MFSD2A: variants seen among roughly 807,000 people sequenced by gnomAD.
The protein encoded by MFSD2A is sodium-dependent lysophosphatidylcholine symporter 1.
Under a neutral mutation model 64.7 loss-of-function variants are expected in MFSD2A, and 27 were observed. The ratio of observed to expected loss-of-function variants is 0.42; its 90% CI spans 0.31 to 0.58. The LOEUF (loss-of-function observed/expected upper bound fraction) is 0.58, where lower values mean the gene tolerates loss of function less well. Ranked by LOEUF, MFSD2A falls within the 20% of genes least tolerant of loss-of-function variation. The pLI is 0.18. For synonymous variants in MFSD2A, 258 were observed against 273.4 expected (o/e 0.94, Z 0.55); for missense variants, 474 against 679.5 (o/e 0.70, Z 3.36).
intron 11 of MFSD2A, 79 bp downstream of exon 11, chr1:39,967,995 A>T (rs374281341): frequency 1.1e-6 from 1 of 884,274 alleles, no homozygotes; most frequent in African/African-American, 1.7e-5. Flanking sequence ...GGAGAGTTCT[A>T]TGCAGTGTTC....
At position 39,966,581 on chromosome 1, in the gene MFSD2A, T is replaced by C. The variant is rs750251497; in HGVS notation, c.715-20T>C. 1 of 1,596,692 alleles carries C rather than the reference T, an allele frequency of 6.3e-7. No homozygotes were observed. Among genetic ancestry groups the C allele is most frequent in the South Asian group, 1.1e-5 (1 of 88,742 alleles). ...AGCTCAAACTGACCATCCTTGTATGTCGCCTTCACCTCCTTATAGCAAAAG... is the reference window on the plus strand; with the variant it reads ...AGCTCAAACTGACCATCCTTGTATGCCGCCTTCACCTCCTTATAGCAAAAG... On this transcript the variant is annotated intron_variant, in intron 6 of 13. Transcript: ENST00000372811.
chr1:39,956,964 G>A (rs989547962), intron 1 of MFSD2A, 123 bp from the exon 2 acceptor site: 71 of 686,314 alleles, frequency 1.0e-4, no homozygotes, highest in Admixed American at 1.1e-4. Flanking sequence ...CTCCTGGATA[G>A]GAACAGGTCA....
chr1:39,965,611 T>G lies in MFSD2A; in HGVS notation c.556+62T>G. 1 of 1,538,148 alleles carries G rather than the reference T, an allele frequency of 6.5e-7. No homozygotes were observed. The highest frequency in any genetic ancestry group is 9.0e-7 in the Non-Finnish European group (1 of 1,111,884). ...GGACCCTCCAGCCATACTTCTTCCC[T>G]TGCGGGTCCAGCTCTTTGCTCTGCT... On this transcript the variant is annotated intron_variant, in intron 5 of 13. Transcript: ENST00000372811. The surrounding 1 kb of genome is among the most constrained non-coding windows in gnomAD (Gnocchi z 5.5).
In MFSD2A at chr1:39,967,866, G is replaced by T. The variant is rs113442582; in HGVS notation, c.1158G>T (p.Ala386=). ...AGAGTAACCTCATCATTACATATGC[G>T]GTAGCTGTGGCAGCTGGCATCAGTG... ...LMESNLIITY[A]VAVAAGISVA... The change falls in exon 11 of 14, where the codon GCG becomes GCT. Residue 386 remains alanine, a synonymous_variant. Coordinates refer to ENST00000372811, the MANE Select transcript of MFSD2A (RefSeq NM_032793.5). 1 of 1,613,830 alleles carries T rather than the reference G, an allele frequency of 6.2e-7. No homozygotes were observed. The highest frequency in any genetic ancestry group is 1.7e-5 in the Admixed American group (1 of 59,994).
chr1:39,957,972 G>A (rs1385136310), intron 2 of MFSD2A: 2 of 152,532 alleles, frequency 1.3e-5, no homozygotes, highest in African/African-American at 4.8e-5. Context: ...TAACTCCCAT[G>A]GGCTGGGCCT....
At chr1:39,967,962 T>TC in intron 11 of MFSD2A, 46 bp downstream of exon 11, 1 of 1,256,648 alleles carries the variant, frequency 8.0e-7, no homozygotes, top group Non-Finnish European at 1.1e-6. Context: ...CAGCCCCTAG[T>TC]CCCCAGTTTT....
chr1:39,967,037 A>G, intron 8 of MFSD2A, 49 bp from the exon 9 acceptor site: 1 of 1,611,098 alleles, frequency 6.2e-7, no homozygotes, highest in Non-Finnish European at 8.5e-7. Flanking sequence ...CTCAGCCCCA[A>G]CATCACCTCC....
In MFSD2A at chr1:39,969,582, G is replaced by A. The variant is rs1645239591; in HGVS notation, c.*14G>A. The A allele has an allele frequency of 1.2e-6, 2 of 1,608,742 alleles. No individual in the cohort carries two copies. The highest frequency in any genetic ancestry group is 3.4e-5 in the Admixed American group (2 of 59,366). ...AGCATCCTCTAGGGCCCGCCACGTTGCCCGAAGCCACCATGCAGAAGGCCA... is the reference window on the plus strand; with the variant it reads ...AGCATCCTCTAGGGCCCGCCACGTTACCCGAAGCCACCATGCAGAAGGCCA... On this transcript the variant is annotated 3_prime_UTR_variant, in exon 14 of 14. Coordinates refer to ENST00000372811, the MANE Select transcript of MFSD2A (RefSeq NM_032793.5).
intron 6 of MFSD2A, 72 bp downstream of exon 6, chr1:39,966,086 T>C (rs1220427988): frequency 6.6e-7 from 1 of 1,512,910 alleles, no homozygotes; most frequent in Non-Finnish European, 9.1e-7. Context: ...ATCCTAAAGA[T>C]AGTAACAGCT....
intron 1 of MFSD2A, 123 bp from the exon 2 acceptor site, chr1:39,956,963 AG>A: frequency 1.8e-6 from 1 of 540,638 alleles, no homozygotes; most frequent in East Asian, 3.6e-5. Context: ...TCTCCTGGAT[AG>A]GAACAGGTCA....
At position 39,968,005 on chromosome 1, in the gene MFSD2A, C is replaced by A; in HGVS notation, c.1208+89C>A. On this transcript the variant is annotated intron_variant, in intron 11 of 13. Coordinates refer to ENST00000372811, the MANE Select transcript of MFSD2A (RefSeq NM_032793.5). This position sits in a 1 kb window ranked among gnomAD's most constrained non-coding sequence, Gnocchi z 4.4. ...CTTAGGGAGAGTTCTATGCAGTGTT[C>A]TCCCACAGGCCATTCTGTGGGTCCA... 2 of 789,330 alleles carry A rather than the reference C, an allele frequency of 2.5e-6. No individual in the cohort carries two copies. The highest frequency in any genetic ancestry group is 4.0e-6 in the Non-Finnish European group (2 of 494,710). The allele number at this position is 789,330 out of a possible 1,614,324, so 48.9% of individuals were successfully genotyped here.
Position 39,965,773 on chromosome 1 carries a change from C to T in MFSD2A, c.557-84C>T, listed in dbSNP as rs1645147559. 1.0e-5 allele frequency: 16 copies of T among 1,555,438 alleles called. No individual in the cohort carries two copies. Among genetic ancestry groups the T allele is most frequent in the Admixed American group, 3.5e-5 (2 of 57,416 alleles). On this transcript the variant is annotated intron_variant, in intron 5 of 13. Coordinates refer to ENST00000372811, the MANE Select transcript of MFSD2A (RefSeq NM_032793.5). The surrounding 1 kb of genome is among the most constrained non-coding windows in gnomAD (Gnocchi z 5.5). ...CTCTACCCACCCTGCCTGGAGCTAC[C>T]GCTGGGCTCCCACCCATTTGACCTT...
chr1:39,963,377 C>T lies in MFSD2A; in HGVS notation c.354-1834C>T, dbSNP rs1339214923. ...TCACTGACCACCTCATCAAGACCCA[C>T]CAGGCTCCAGCTGTGGCTACAACAT... On this transcript the variant is annotated intron_variant, in intron 3 of 13. Coordinates refer to ENST00000372811, the MANE Select transcript of MFSD2A (RefSeq NM_032793.5). This position sits in a 1 kb window ranked among gnomAD's most constrained non-coding sequence, Gnocchi z 4.2. 2 of 699,164 alleles carry T rather than the reference C, an allele frequency of 2.9e-6. No individual in the cohort carries two copies. Among genetic ancestry groups the T allele is most frequent in the Non-Finnish European group, 5.0e-6 (2 of 400,412 alleles). The allele number at this position is 699,164 out of a possible 1,614,324, so 43.3% of individuals were successfully genotyped here. A position where few individuals can be genotyped will look rare whatever the true frequency, so the allele number is the denominator to read the frequency against.
At chr1:39,956,485 G>GTGGGGACAGGTC (rs976424837) in intron 1 of MFSD2A, among the ~76,000 whole-genome samples, 1 of 152,208 alleles carries the variant, frequency 6.6e-6, no homozygotes, top group African/African-American at 2.4e-5. Flanking sequence ...CTGGTGCCGG[G>GTGGGGACAGGTC]TGGGGACAGG....
chr1:39,969,450 T>C, intron 13 of MFSD2A, 55 bp from the exon 14 acceptor site: 3 of 1,497,348 alleles, frequency 2.0e-6, no homozygotes, highest in Non-Finnish European at 2.7e-6. Context: ...CAGGTGGGGC[T>C]GAGGAGGGGT....
At position 39,966,716 on chromosome 1, in the gene MFSD2A, G is replaced by A. The variant is rs1645169419; in HGVS notation, c.805+25G>A. 4 of 1,613,240 alleles carry A rather than the reference G, an allele frequency of 2.5e-6. No homozygotes were observed. The South Asian group carries it at 4.4e-5, about 18-fold the overall frequency. On this transcript the variant is annotated intron_variant, in intron 7 of 13. Transcript: ENST00000372811. ...GGTAAGGGGGTGCCTGGGAAGGGGTGCAGGCCTCAGCATGGACAGCTGTAT... is the reference window on the plus strand; with the variant it reads ...GGTAAGGGGGTGCCTGGGAAGGGGTACAGGCCTCAGCATGGACAGCTGTAT...
In MFSD2A at chr1:39,968,349, T is replaced by C; in HGVS notation, c.1224T>C (p.Asp408=). The C allele has an allele frequency of 6.2e-7, 1 of 1,614,200 alleles. No homozygotes were observed. The highest frequency in any genetic ancestry group is 2.2e-5 in the East Asian group (1 of 44,878). The change falls in exon 12 of 14, where the codon GAT becomes GAC. Residue 408 remains aspartate, a synonymous_variant. Coordinates refer to ENST00000372811, the MANE Select transcript of MFSD2A (RefSeq NM_032793.5). The surrounding 1 kb of genome is among the most constrained non-coding windows in gnomAD (Gnocchi z 4.4). ...AFLLPWSMLP[D]VIDDFHLKQP... ...CTCTGCGCAGGTCCATGCTGCCTGA[T>C]GTCATTGACGACTTCCATCTGAAGC...
In MFSD2A at chr1:39,955,477, A is replaced by G; in HGVS notation, c.93+92A>G. The G allele has an allele frequency of 7.6e-7, 1 of 1,310,688 alleles. No homozygotes were observed. The highest frequency in any genetic ancestry group is 1.1e-6 in the Non-Finnish European group (1 of 938,286). 81.2% of individuals were successfully genotyped at this position (1,310,688 alleles called of 1,614,324 possible). ...GTCCCGGGGTCGGCCTGGTCAGGGG[A>G]CCATTGGGATAGCCAGGGACAGGAA... On this transcript the variant is annotated intron_variant, in intron 1 of 13. Transcript: ENST00000372811. This position sits in a 1 kb window ranked among gnomAD's most constrained non-coding sequence, Gnocchi z 5.9.
At chr1:39,959,699 C>T (rs1447349830) in intron 3 of MFSD2A, among the ~76,000 whole-genome samples, 2 of 149,670 alleles carry the variant, frequency 1.3e-5, no homozygotes, top group East Asian at 2.0e-4. Flanking sequence ...TTTTTTTTGA[C>T]GTTCTTAGAA....
Sources: gnomAD v4.1 joint callset for allele counts (sites outside exome capture counted in the v4.1 genomes callset) on GRCh38, gnomAD v4.1.1 for gene constraint, Gnocchi (gnomAD v3.1) non-coding constraint, MANE v1.5 for transcripts, NCBI Gene and HGNC (gene_info 2026-07-23, HGNC 2026-07-21) for gene names.